The following CCDC148 variants were observed in gnomAD, a reference collection of about 807,000 sequenced individuals.
The protein encoded by CCDC148 is coiled-coil domain containing 148, also known as coiled-coil domain-containing protein 148.
Under a neutral mutation model 85.7 loss-of-function variants are expected in CCDC148, and 89 were observed. The observed-to-expected ratio is 1.04, with a 90% CI of 0.87 to 1.24. CCDC148 has a LOEUF of 1.24. CCDC148 is among the 50% of genes most tolerant of loss of function. The pLI is 0.00. For synonymous variants in CCDC148, 230 were observed against 213.9 expected (o/e 1.08, Z -0.66); for missense variants, 692 against 671.7 (o/e 1.03, Z -0.33).
At chr2:158,226,377 T>C (rs1238485499) in intron 10 of CCDC148, among the ~76,000 whole-genome samples, 1 of 152,092 alleles carries the variant, frequency 6.6e-6, no homozygotes, top group Admixed American at 6.6e-5. Flanking sequence ...ATCAGAGGTA[T>C]AAGGAGGAGC....
chr2:158,340,165 T>C, intron 5 of CCDC148, 77 bp downstream of exon 5: 1 of 1,318,644 alleles, frequency 7.6e-7, no homozygotes, highest in Non-Finnish European at 1.1e-6. Context: ...CACACATGTT[T>C]GTTTCTTATC....
rs539666735 is a variant in CCDC148, at chr2:158,243,228, C to T, written c.1251+7544G>A. Among the ~76,000 whole-genome samples the T allele has an allele frequency of 3.9e-5, 6 of 152,236 alleles. No homozygotes were observed. In the South Asian group the frequency reaches 1.2e-3, roughly 32 times the overall value. ...GGGCCACAGGGGCCAGCCACAGTCT[C>T]TAATACCTGGGCTATTAAATTCTGC... On this transcript the variant is annotated intron_variant, in intron 10 of 13. Coordinates refer to ENST00000283233, the MANE Select transcript of CCDC148 (RefSeq NM_138803.4).
At chr2:158,355,194 C>T (rs1187499936) in intron 2 of CCDC148, among the ~76,000 whole-genome samples, 1 of 151,984 alleles carries the variant, frequency 6.6e-6, no homozygotes, top group Non-Finnish European at 1.5e-5. Flanking sequence ...TCTCTCACCA[C>T]TCCTATTCAA....
intron 2 of CCDC148, among the ~76,000 whole-genome samples, chr2:158,351,117 T>C (rs1683247005): frequency 6.6e-6 from 1 of 152,164 alleles, no homozygotes; most frequent in Admixed American, 6.5e-5. Context: ...CAGCATGGTT[T>C]TTATTGCAGT....
intron 1 of CCDC148, among the ~76,000 whole-genome samples, chr2:158,421,294 A>C (rs1410629845): frequency 6.6e-6 from 1 of 152,230 alleles, no homozygotes; most frequent in Non-Finnish European, 1.5e-5. Context: ...CATTCTTCTC[A>C]GCACCACATC....
At chr2:158,395,445 A>G (rs775784313) in intron 1 of CCDC148, among the ~76,000 whole-genome samples, 2 of 152,140 alleles carry the variant, frequency 1.3e-5, no homozygotes, top group Non-Finnish European at 2.9e-5. Flanking sequence ...TGAAGGAAAG[A>G]CTGCTTGAGC....
intron 10 of CCDC148, among the ~76,000 whole-genome samples, chr2:158,230,646 A>C (rs1687810137): frequency 1.2e-5 from 1 of 85,672 alleles, no homozygotes; most frequent in Non-Finnish European, 3.1e-5. Flanking sequence ...TAGTAGCATG[A>C]TCTGACTTAC....
Position 158,396,431 on chromosome 2 carries a change from C to T in CCDC148, c.26-37861G>A, listed in dbSNP as rs76778836. Among the ~76,000 whole-genome samples the T allele has an allele frequency of 5.3e-5, 8 of 152,222 alleles. No individual in the cohort carries two copies. In the East Asian group the frequency reaches 1.2e-3, roughly 22 times the overall value. ...GTTGCCATTTATCATCTAGCTTGCACTGCTGTCTTCCTAATTCTGGGCCCT... is the reference window on the plus strand; with the variant it reads ...GTTGCCATTTATCATCTAGCTTGCATTGCTGTCTTCCTAATTCTGGGCCCT... On this transcript the variant is annotated intron_variant, in intron 1 of 13. Coordinates refer to ENST00000283233, the MANE Select transcript of CCDC148 (RefSeq NM_138803.4).
intron 9 of CCDC148, among the ~76,000 whole-genome samples, chr2:158,294,152 A>G (rs971402850): frequency 6.6e-6 from 1 of 152,042 alleles, no homozygotes; most frequent in African/African-American, 2.4e-5. Flanking sequence ...TGTCTTGCCA[A>G]AAGATCATGT....
chr2:158,331,974 T>A (rs1693154333), intron 7 of CCDC148, among the ~76,000 whole-genome samples: 1 of 152,232 alleles, frequency 6.6e-6, no homozygotes, highest in African/African-American at 2.4e-5. Context: ...TGCCAGTCTG[T>A]GTCTTTTAAT....
intron 2 of CCDC148, among the ~76,000 whole-genome samples, chr2:158,350,474 C>A (rs1469616634): frequency 3.9e-5 from 6 of 152,200 alleles, no homozygotes; most frequent in African/African-American, 1.4e-4. Flanking sequence ...TTTATTAAAA[C>A]AATACCTTGG....
chr2:158,391,025 G>A (rs1014487216), intron 1 of CCDC148, among the ~76,000 whole-genome samples: 5 of 152,128 alleles, frequency 3.3e-5, no homozygotes, highest in Non-Finnish European at 7.4e-5. Context: ...GGTGCCAGGG[G>A]TGAACATACA....
chr2:158,298,748 C>T (rs1691310938), intron 9 of CCDC148, among the ~76,000 whole-genome samples: 2 of 152,216 alleles, frequency 1.3e-5, no homozygotes, highest in East Asian at 3.9e-4. Context: ...TACTGAAATA[C>T]ATATTTTCAT....
At chr2:158,432,968 T>C (rs1687423825) in intron 1 of CCDC148, among the ~76,000 whole-genome samples, 2 of 149,922 alleles carry the variant, frequency 1.3e-5, no homozygotes, top group South Asian at 4.2e-4. Context: ...TTGGGTGCAA[T>C]GGCTCACACC....
intron 1 of CCDC148, among the ~76,000 whole-genome samples, chr2:158,394,694 G>T (rs1033466424): frequency 6.6e-6 from 1 of 151,888 alleles, no homozygotes; most frequent in Non-Finnish European, 1.5e-5. Context: ...AAAACTTGGA[G>T]AGTCGGCCCC....
At chr2:158,425,672 G>T (rs1574799346) in intron 1 of CCDC148, among the ~76,000 whole-genome samples, 1 of 152,126 alleles carries the variant, frequency 6.6e-6, no homozygotes, top group African/African-American at 2.4e-5. Flanking sequence ...TGTGCGGAGA[G>T]AATTGATCCA....
At chr2:158,313,528 CAGAG>C (rs1348061604) in intron 8 of CCDC148, among the ~76,000 whole-genome samples, 1 of 151,926 alleles carries the variant, frequency 6.6e-6, no homozygotes, top group African/African-American at 2.4e-5. Context: ...CAAGTAGGCA[CAGAG>C]AGTGACTTCT....
At chr2:158,315,410 A>G (rs760883333) in intron 7 of CCDC148, among the ~76,000 whole-genome samples, 12 of 152,224 alleles carry the variant, frequency 7.9e-5, no homozygotes, top group Non-Finnish European at 1.8e-4. Flanking sequence ...CCATACCACA[A>G]GCAACAAACA....
At chr2:158,214,271 T>A (rs1686737044) in intron 11 of CCDC148, among the ~76,000 whole-genome samples, 1 of 152,168 alleles carries the variant, frequency 6.6e-6, no homozygotes. Flanking sequence ...CGCTATCCAG[T>A]TTGCTCACCA....
Sources: allele counts gnomAD v4.1 joint callset (sites outside exome capture counted in the v4.1 genomes callset), GRCh38; gene constraint gnomAD v4.1.1; transcripts MANE v1.5; gene names NCBI Gene and HGNC (gene_info 2026-07-23, HGNC 2026-07-21).